PCDH15: variants seen among roughly 807,000 people sequenced by gnomAD.
PCDH15 encodes protocadherin related 15.
In PCDH15, 129 loss-of-function variants were observed where a neutral mutation model predicts 178.5. The observed-to-expected ratio is 0.72, with a 90% CI of 0.63 to 0.84. The LOEUF is 0.84. Among genes scored for constraint, PCDH15 ranks in the 40% least tolerant of loss-of-function variants. The pLI is 0.00. For missense variants in PCDH15, 2,230 were observed against 2,099.9 expected (o/e 1.06, Z -1.21); for synonymous variants, 800 against 732.0 (o/e 1.09, Z -1.50).
chr10:55,356,813 A>G (rs1437763012), intron 2 of PCDH15, among the ~76,000 whole-genome samples: 1 of 151,982 alleles, frequency 6.6e-6, no homozygotes, highest in Non-Finnish European at 1.5e-5. Context: ...AGATTACATC[A>G]TTTGTAGTAG....
At chr10:54,352,598 C>T (rs926581452) in intron 5 of PCDH15, among the ~76,000 whole-genome samples, 3 of 151,938 alleles carry the variant, frequency 2.0e-5, no homozygotes, top group African/African-American at 4.8e-5. Flanking sequence ...GAAATGCTAC[C>T]GGGGTGGCAG....
chr10:55,621,112 A>G lies in PCDH15; in HGVS notation c.-156+6513T>C, dbSNP rs558154198. Reference sequence around the variant, plus strand: ...ATTAATCACAACATTGCTAAACTCAATTTTTACTCTCCTAAGCATATTGGA... The same window carrying G: ...ATTAATCACAACATTGCTAAACTCAGTTTTTACTCTCCTAAGCATATTGGA... On this transcript the variant is annotated intron_variant, in intron 2 of 5. Coordinates refer to the PCDH15 transcript ENST00000613346. 2.1e-4 allele frequency among the ~76,000 whole-genome samples: 32 copies of G among 152,138 alleles called. 1 individual carries two copies. In the South Asian group the frequency reaches 6.6e-3, roughly 32 times the overall value.
intron 14 of PCDH15, among the ~76,000 whole-genome samples, chr10:54,144,441 G>A (rs111455790): frequency 1.6e-3 from 239 of 152,178 alleles, no homozygotes; most frequent in African/African-American, 5.4e-3. Flanking sequence ...GAAATGAAAC[G>A]CACCAGATCA....
At chr10:54,066,709 C>A (rs751776634) in intron 18 of PCDH15, 48 bp downstream of exon 18, 1 of 1,572,832 alleles carries the variant, frequency 6.4e-7, no homozygotes, top group Non-Finnish European at 8.7e-7. Flanking sequence ...AATAAACTTA[C>A]ACTCTTTGAA....
At chr10:54,419,323 C>T (rs949754280) in intron 3 of PCDH15, among the ~76,000 whole-genome samples, 9 of 151,734 alleles carry the variant, frequency 5.9e-5, no homozygotes, top group Non-Finnish European at 8.8e-5. Context: ...GTATTTTGTC[C>T]AACAAACAAA....
At chr10:54,791,240 C>T (rs1951380272) in intron 1 of PCDH15, among the ~76,000 whole-genome samples, 1 of 151,792 alleles carries the variant, frequency 6.6e-6, no homozygotes, top group Admixed American at 6.6e-5. Flanking sequence ...ATCAAGTAGT[C>T]CAGATAGGTC....
chr10:55,204,349 CAT>C (rs954803850), intron 1 of PCDH15, among the ~76,000 whole-genome samples: 15 of 150,876 alleles, frequency 9.9e-5, no homozygotes, highest in South Asian at 4.2e-4. Context: ...CATATACACA[CAT>C]GTATATATAT....
intron 2 of PCDH15, among the ~76,000 whole-genome samples, chr10:55,444,632 C>T (rs895133294): frequency 6.6e-6 from 1 of 152,092 alleles, no homozygotes; most frequent in East Asian, 1.9e-4. Context: ...AAAGAAATTG[C>T]CAAAGTTTAT....
At chr10:54,446,212 C>G (rs556869881) in intron 3 of PCDH15, among the ~76,000 whole-genome samples, 1 of 151,732 alleles carries the variant, frequency 6.6e-6, no homozygotes, top group South Asian at 2.1e-4. Flanking sequence ...TCTGCTTTCT[C>G]TCTATAGTTT....
rs753916542 is a variant in PCDH15, at chr10:54,369,222, T to A, written c.372A>T (p.Lys124Asn). 1.8e-5 allele frequency: 29 copies of A among 1,612,864 alleles called. No homozygotes were observed. The highest frequency in any genetic ancestry group is 4.4e-5 in the South Asian group (4 of 91,066). The change falls in exon 5 of 38, where the codon AAA (lysine) becomes AAT (asparagine). Residue 124 changes from lysine to asparagine, a missense_variant. Physicochemically the swap from Lys to Asn is moderately conservative, Grantham distance 94. Transcript: ENST00000644397. Reference protein sequence around the residue: ...IVVQVQCINKKVGTIIYHEVR... With the variant: ...IVVQVQCINKNVGTIIYHEVR... ...CTTCATGGTAGATAATAGTGCCCACTTTTTTGTTGATGCACTGGACCTGCA... is the reference window on the plus strand; with the variant it reads ...CTTCATGGTAGATAATAGTGCCCACATTTTTGTTGATGCACTGGACCTGCA...
intron 2 of PCDH15, among the ~76,000 whole-genome samples, chr10:55,354,771 T>C (rs1421745354): frequency 6.6e-6 from 1 of 152,034 alleles, no homozygotes; most frequent in African/African-American, 2.4e-5. Flanking sequence ...TAAAATAAAA[T>C]ATTTTTGCGG....
At chr10:54,416,945 C>A (rs1480832703) in intron 3 of PCDH15, among the ~76,000 whole-genome samples, 1 of 152,066 alleles carries the variant, frequency 6.6e-6, no homozygotes, top group African/African-American at 2.4e-5. Context: ...CTGTTCATAT[C>A]CTTTGCCCAC....
At chr10:53,987,710 C>T (rs556512090) in intron 21 of PCDH15, among the ~76,000 whole-genome samples, 2 of 152,148 alleles carry the variant, frequency 1.3e-5, no homozygotes, top group African/African-American at 4.8e-5. Flanking sequence ...CCATGAAGGC[C>T]GCCCATGGGT....
At chr10:54,946,201 G>A (rs1838193994) in intron 2 of PCDH15, among the ~76,000 whole-genome samples, 1 of 151,786 alleles carries the variant, frequency 6.6e-6, no homozygotes, top group Non-Finnish European at 1.5e-5. Context: ...GATATGAGTG[G>A]TATATAGATG....
At chr10:55,154,783 A>G (rs1163647255) in intron 2 of PCDH15, among the ~76,000 whole-genome samples, 25 of 152,172 alleles carry the variant, frequency 1.6e-4, no homozygotes, top group Admixed American at 1.6e-3. Context: ...CTAGGATATC[A>G]CTACTGTCTG....
chr10:55,598,476 T>C (rs921601812), intron 2 of PCDH15, among the ~76,000 whole-genome samples: 3 of 139,348 alleles, frequency 2.2e-5, no homozygotes, highest in African/African-American at 7.9e-5. Flanking sequence ...CCATCTCTTG[T>C]CACTCAGCCT....
intron 8 of PCDH15, among the ~76,000 whole-genome samples, chr10:54,264,956 C>A (rs1206591794): frequency 6.6e-6 from 1 of 152,004 alleles, no homozygotes; most frequent in Non-Finnish European, 1.5e-5. Flanking sequence ...GACACATAGT[C>A]ATTAGACTAT....
intron 2 of PCDH15, among the ~76,000 whole-genome samples, chr10:54,567,392 A>G (rs958808505): frequency 6.6e-6 from 1 of 152,276 alleles, no homozygotes; most frequent in African/African-American, 2.4e-5. Flanking sequence ...TTGTATCCAA[A>G]AAGTCATTGC....
chr10:55,548,613 T>A (rs572882225), intron 2 of PCDH15, among the ~76,000 whole-genome samples: 1 of 152,262 alleles, frequency 6.6e-6, no homozygotes, highest in East Asian at 1.9e-4. Flanking sequence ...TAAAGCTGAG[T>A]GTCAGCTGGA....
Sources: allele counts gnomAD v4.1 joint callset (sites outside exome capture counted in the v4.1 genomes callset), GRCh38; gene constraint gnomAD v4.1.1; transcripts MANE v1.5; gene names NCBI Gene and HGNC (gene_info 2026-07-23, HGNC 2026-07-21).